ZNF394: variants seen among roughly 807,000 people sequenced by gnomAD.
ZNF394 encodes zinc finger protein 394.
Under a neutral mutation model 21.8 loss-of-function variants are expected in ZNF394, and 19 were observed. That is an observed-to-expected ratio of 0.87 (90% CI 0.61 to 1.28). The LOEUF (loss-of-function observed/expected upper bound fraction) is 1.28. Among genes scored for constraint, ZNF394 ranks in the 50% most tolerant of loss-of-function variants. ZNF394 has a pLI of 0.00. For missense variants in ZNF394, 683 were observed against 708.6 expected (o/e 0.96, Z 0.41); for synonymous variants, 294 against 273.3 (o/e 1.08, Z -0.75).
Position 99,494,025 on chromosome 7 carries a change from T to C in ZNF394, c.1190A>G (p.Gln397Arg). The change falls in exon 3 of 3, where the codon CAG becomes CGG. Residue 397 changes from glutamine to arginine, a missense_variant. By Grantham distance (43) the Gln-to-Arg change is conservative. Transcript: ENST00000337673. ...GCQECGKSFS[Q>R]SAALTKHQRT... is the part of the protein sequence containing the mutation. ...CTGGTGCTTGGTCAGGGCAGCACTC[T>C]GGCTGAAGCTTTTCCCACATTCTTG... 5.6e-6 allele frequency: 9 copies of C among 1,614,228 alleles called. No individual in the cohort carries two copies. Among genetic ancestry groups the C allele is most frequent in the Non-Finnish European group, 7.6e-6 (9 of 1,180,042 alleles).
At chr7:99,492,310 A>C (rs1800181004), downstream of ZNF394, among the ~76,000 whole-genome samples, 1 of 152,084 alleles carries the variant, frequency 6.6e-6, no homozygotes, top group African/African-American at 2.4e-5. Flanking sequence ...ATTCTTAGGC[A>C]AGTATTAATA....
downstream of ZNF394, among the ~76,000 whole-genome samples, chr7:99,492,719 G>T (rs1423614605): frequency 6.6e-6 from 1 of 151,272 alleles, no homozygotes; most frequent in African/African-American, 2.4e-5. Context: ...ACTTTGGGAA[G>T]CTGAGGCAGG....
chr7:99,496,752 T>A (rs1460753307), intron 2 of ZNF394, among the ~76,000 whole-genome samples: 2 of 151,424 alleles, frequency 1.3e-5, no homozygotes, highest in Non-Finnish European at 2.9e-5. Context: ...TTTTTTTTTT[T>A]AAAGAGATGG....
In ZNF394 at chr7:99,500,248, C is replaced by A; in HGVS notation, c.-155G>T. On this transcript the variant is annotated 5_prime_UTR_variant, in exon 1 of 3. Transcript: ENST00000337673. ...CCACACTCTCCTTTCCTCAGCTTTG[C>A]GCCTACAACTCTCTCGGTCAAACAA... 2 of 660,202 alleles carry A rather than the reference C, an allele frequency of 3.0e-6. No individual in the cohort carries two copies. Among genetic ancestry groups the A allele is most frequent in the Non-Finnish European group, 4.8e-6 (2 of 420,644 alleles). The allele number at this position is 660,202 out of a possible 1,614,324, so 40.9% of individuals were successfully genotyped here. A position where few individuals can be genotyped will look rare whatever the true frequency, so the allele number is the denominator to read the frequency against.
In ZNF394 at chr7:99,486,845, G is replaced by A. The variant is rs775417980; in HGVS notation, n.202C>T. 16 of 1,614,168 alleles carry A rather than the reference G, an allele frequency of 9.9e-6. No individual in the cohort carries two copies. The highest frequency in any genetic ancestry group is 4.5e-5 in the East Asian group (2 of 44,892). On this transcript the variant is annotated non_coding_transcript_exon_variant, in exon 2 of 2. Transcript: ENST00000462024. ...AGTGAATGTGGAAAAGTCATTAGGC[G>A]TAAGGCATGGTTTGATCAACATCAA...
downstream of ZNF394, among the ~76,000 whole-genome samples, chr7:99,490,641 TA>T (rs140941296): frequency 5.6e-3 from 796 of 142,588 alleles, 7 homozygotes; most frequent in African/African-American, 0.019. Flanking sequence ...TTTTTTTTTT[TA>T]AAAAAAAAGA....
downstream of ZNF394, among the ~76,000 whole-genome samples, chr7:99,491,645 G>A (rs1039985260): frequency 2.6e-5 from 4 of 151,820 alleles, no homozygotes; most frequent in African/African-American, 7.2e-5. Context: ...GTGTGGTGGC[G>A]AGTGCCTGTG....
exon 2 of ZNF394, chr7:99,486,772 C>T: frequency 6.2e-6 from 10 of 1,614,156 alleles, no homozygotes; most frequent in Non-Finnish European, 8.5e-6. Context: ...AAGATCTTTG[C>T]TTTTGGGGCA....
At position 99,488,003 on chromosome 7, in the gene ZNF394, C is replaced by T. The variant is rs1210794635; in HGVS notation, n.84-1040G>A. 6.7e-5 allele frequency among the ~76,000 whole-genome samples: 9 copies of T among 134,968 alleles called. No homozygotes were observed. The East Asian group carries it at 1.6e-3, about 24-fold the overall frequency. 88.5% of individuals were successfully genotyped at this position (134,968 alleles called of 152,430 possible). On this transcript the variant is annotated intron_variant and non_coding_transcript_variant, in intron 1 of 1. Coordinates refer to the ZNF394 transcript ENST00000462024. ...AGGAGAATGGCGTGAACCCAGGAGG[C>T]GGAGCTTGCAGTGAGCTGAGATCGT...
rs530100126 is a variant in ZNF394 at position 99,500,185 on chromosome 7, G to A, written c.-92C>T. ...AACTCATCAGCCGTCAACACCCTCC[G>A]GTCCCAAACACCGGGCCCCACCACA... On this transcript the variant is annotated 5_prime_UTR_variant, in exon 1 of 3. Transcript: ENST00000337673. 5.4e-5 allele frequency: 71 copies of A among 1,322,228 alleles called. No individual in the cohort carries two copies. The highest frequency in any genetic ancestry group is 1.3e-4 in the Admixed American group (5 of 37,228). The allele number at this position is 1,322,228 out of a possible 1,614,324, so 81.9% of individuals were successfully genotyped here. A position where few individuals can be genotyped will look rare whatever the true frequency, so the allele number is the denominator to read the frequency against.
chr7:99,487,536 A>G (rs778378153), intron 1 of ZNF394: 4 of 1,550,252 alleles, frequency 2.6e-6, no homozygotes, highest in Non-Finnish European at 2.6e-6. Context: ...ATAAACCTCT[A>G]CTTCAAGTGT....
At chr7:99,492,100 C>G (rs1454990544), downstream of ZNF394, among the ~76,000 whole-genome samples, 1 of 147,688 alleles carries the variant, frequency 6.8e-6, no homozygotes, top group Non-Finnish European at 1.5e-5. Context: ...AAAAAGAAAT[C>G]AGCAAGTCAT....
chr7:99,489,642 CAAAT>C (rs1562891212), downstream of ZNF394, among the ~76,000 whole-genome samples: 2 of 152,178 alleles, frequency 1.3e-5, no homozygotes, highest in Non-Finnish European at 2.9e-5. Context: ...CTCTCCCCAA[CAAAT>C]AAACTACTTG....
downstream of ZNF394, among the ~76,000 whole-genome samples, chr7:99,488,501 C>CA (rs879418719): frequency 7.5e-3 from 927 of 123,730 alleles, 7 homozygotes; most frequent in Admixed American, 0.029. Context: ...GACTCCATCT[C>CA]AAAAAAAAAA....
In ZNF394 at chr7:99,500,264, G is replaced by T; in HGVS notation, c.-171C>A. On this transcript the variant is annotated 5_prime_UTR_variant, in exon 1 of 3. Coordinates refer to ENST00000337673, the MANE Select transcript of ZNF394 (RefSeq NM_032164.4). ...TCAGCTTTGCGCCTACAACTCTCTC[G>T]GTCAAACAACCGAAAACATCCCGTG... The T allele has an allele frequency of 1.7e-6, 1 of 597,554 alleles. No homozygotes were observed. The allele number at this position is 597,554 out of a possible 1,614,324, so 37.0% of individuals were successfully genotyped here. A position where few individuals can be genotyped will look rare whatever the true frequency, so the allele number is the denominator to read the frequency against.
intron 2 of ZNF394, among the ~76,000 whole-genome samples, chr7:99,495,735 C>T (rs534665503): frequency 3.9e-5 from 6 of 152,312 alleles, no homozygotes; most frequent in African/African-American, 1.4e-4. Flanking sequence ...ATTCCCCTGC[C>T]TCAGCCTTGA....
chr7:99,497,507 C>A (rs1248804217), intron 2 of ZNF394, among the ~76,000 whole-genome samples: 1 of 151,474 alleles, frequency 6.6e-6, no homozygotes, highest in Non-Finnish European at 1.5e-5. Context: ...TATGTACATC[C>A]CTTTAATCAA....
At chr7:99,487,804 G>A (rs1800053522) in intron 1 of ZNF394, among the ~76,000 whole-genome samples, 1 of 151,646 alleles carries the variant, frequency 6.6e-6, no homozygotes, top group African/African-American at 2.4e-5. Context: ...TGGGCGCGGT[G>A]GCTCACGCCT....
chr7:99,497,116 G>GTATATATA (rs1259470943), intron 2 of ZNF394, among the ~76,000 whole-genome samples: 22 of 111,438 alleles, frequency 2.0e-4, no homozygotes, highest in African/African-American at 2.8e-4. Flanking sequence ...GTGTGTGTGT[G>GTATATATA]TGTGTGTATA....
Sources: allele counts gnomAD v4.1 joint callset (sites outside exome capture counted in the v4.1 genomes callset), GRCh38; gene constraint gnomAD v4.1.1; transcripts MANE v1.5; gene names NCBI Gene and HGNC (gene_info 2026-07-23, HGNC 2026-07-21).